The following GOLGA5 variants were observed in gnomAD, a reference collection of about 807,000 sequenced individuals.
GOLGA5 encodes the protein golgin subfamily A member 5.
In GOLGA5, 50 loss-of-function variants were observed where a neutral mutation model predicts 93.5. The ratio of observed to expected loss-of-function variants is 0.53; its 90% CI spans 0.43 to 0.68. GOLGA5 has a LOEUF of 0.68. Ranked by LOEUF, GOLGA5 falls within the 30% of genes least tolerant of loss-of-function variation. The probability of loss-of-function intolerance (pLI) is 0.00; values close to 1 mark genes in which losing one functional copy is unlikely to be tolerated. For synonymous variants in GOLGA5, 312 were observed against 304.5 expected, an observed-to-expected ratio of 1.02 and a Z score of -0.26; for missense variants, 760 against 856.4, an observed-to-expected ratio of 0.89 and a Z score of 1.40.
intron 8 of GOLGA5, among the ~76,000 whole-genome samples, chr14:92,821,699 A>G (rs17128597): frequency 0.066 from 10,080 of 152,178 alleles, 403 homozygotes; most frequent in Middle Eastern, 0.12. Context: ...TTCTTTTCTC[A>G]GAGAAATGTT....
intron 8 of GOLGA5, among the ~76,000 whole-genome samples, chr14:92,820,618 G>A (rs1400462018): frequency 6.6e-6 from 1 of 152,208 alleles, no homozygotes; most frequent in Non-Finnish European, 1.5e-5. Flanking sequence ...CCATATCTCA[G>A]GCTATCACAT....
intron 9 of GOLGA5, among the ~76,000 whole-genome samples, chr14:92,829,932 C>T (rs1478968015): frequency 6.6e-6 from 1 of 152,196 alleles, no homozygotes; most frequent in Non-Finnish European, 1.5e-5. Context: ...CCATTCTGAT[C>T]AGTCAGCAGC....
In GOLGA5 at chr14:92,825,049, A is replaced by G. The variant is rs568370809; in HGVS notation, c.1719+405A>G. 1.2e-4 allele frequency among the ~76,000 whole-genome samples: 18 copies of G among 152,294 alleles called. No individual in the cohort carries two copies. In the South Asian group the frequency reaches 3.7e-3, roughly 32 times the overall value. ...ACCAAGATATTTTTTTAACCGTGAA[A>G]ATGTAAAATGTACAGAAAATAATGA... On this transcript the variant is annotated intron_variant, in intron 9 of 12. Transcript: ENST00000163416.
At chr14:92,826,468 G>C (rs1455185885) in intron 9 of GOLGA5, among the ~76,000 whole-genome samples, 1 of 151,954 alleles carries the variant, frequency 6.6e-6, no homozygotes, top group Admixed American at 6.6e-5. Context: ...GGCCAAGGTG[G>C]GCAGATCACT....
Position 92,806,878 on chromosome 14 carries a change from G to A in GOLGA5, c.687G>A (p.Leu229=). 2 of 1,613,838 alleles carry A rather than the reference G, an allele frequency of 1.2e-6. No homozygotes were observed. The highest frequency in any genetic ancestry group is 1.7e-6 in the Non-Finnish European group (2 of 1,179,722). The change falls in exon 3 of 13, where the codon CTG becomes CTA. Residue 229 remains leucine (L), a synonymous_variant. Coordinates refer to ENST00000163416, the MANE Select transcript of GOLGA5 (RefSeq NM_005113.4). ...CACATGAACTGTCTAACCTTCGACTGGAGAATCAGCTGCTGAGGAATGAAG... is the reference window on the plus strand; with the variant it reads ...CACATGAACTGTCTAACCTTCGACTAGAGAATCAGCTGCTGAGGAATGAAG... ...GKSHELSNLR[L]ENQLLRNEVQ...
intron 2 of GOLGA5, among the ~76,000 whole-genome samples, chr14:92,802,425 A>G (rs1045004701): frequency 2.6e-5 from 4 of 152,124 alleles, no homozygotes; most frequent in Non-Finnish European, 4.4e-5. Flanking sequence ...CAACAACACA[A>G]TTATCTGTGT....
rs1471969239 is a variant in GOLGA5 at position 92,794,439 on chromosome 14, C to G, written c.-48C>G. ...GGACGGCGGCTAGGCCGTAGTGCAG[C>G]CTCTCCGGAGTCCTCAGGTGAGGCG... On this transcript the variant is annotated 5_prime_UTR_variant, in exon 1 of 13. Transcript: ENST00000163416. The G allele has an allele frequency of 6.6e-6, 1 of 152,406 alleles. No homozygotes were observed. Among genetic ancestry groups the G allele is most frequent in the Non-Finnish European group, 1.5e-5 (1 of 68,178 alleles). The allele number at this position is 152,406 out of a possible 1,614,324, so 9.4% of individuals were successfully genotyped here.
chr14:92,835,736 T>C, intron 11 of GOLGA5, 72 bp downstream of exon 11: 1 of 813,946 alleles, frequency 1.2e-6, no homozygotes, highest in Non-Finnish European at 2.1e-6. Flanking sequence ...TCAATCACAG[T>C]GACTCCCATC....
intron 2 of GOLGA5, among the ~76,000 whole-genome samples, chr14:92,799,767 G>A (rs1884828217): frequency 6.6e-6 from 1 of 151,826 alleles, no homozygotes; most frequent in African/African-American, 2.4e-5. Context: ...CACCACCCTT[G>A]GCTAATTTTT....
At chr14:92,808,579 G>A (rs763227499) in intron 3 of GOLGA5, among the ~76,000 whole-genome samples, 11 of 151,930 alleles carry the variant, frequency 7.2e-5, no homozygotes, top group Non-Finnish European at 1.3e-4. Flanking sequence ...CCAGGAGTTG[G>A]AGGTTGCAGT....
intron 1 of GOLGA5, among the ~76,000 whole-genome samples, chr14:92,796,269 TA>T (rs1884724113): frequency 6.6e-6 from 1 of 152,238 alleles, no homozygotes; most frequent in East Asian, 1.9e-4. Flanking sequence ...AGTTTTGCCA[TA>T]TTGGTTATTT....
chr14:92,824,500 G>A (rs745876315), intron 8 of GOLGA5, 46 bp from the exon 9 acceptor site: 3 of 934,590 alleles, frequency 3.2e-6, no homozygotes, highest in East Asian at 2.4e-5. Context: ...GGATGGAATA[G>A]GGGACACTTA....
chr14:92,838,703 CAAAAA>C (rs539588413), intron 12 of GOLGA5, among the ~76,000 whole-genome samples: 137 of 150,928 alleles, frequency 9.1e-4, no homozygotes, highest in African/African-American at 3.2e-3. Flanking sequence ...GTGGGGAGTA[CAAAAA>C]AAAATTGAAT....
intron 9 of GOLGA5, among the ~76,000 whole-genome samples, chr14:92,827,343 T>A (rs1264122794): frequency 1.3e-5 from 2 of 152,226 alleles, no homozygotes; most frequent in Non-Finnish European, 2.9e-5. Flanking sequence ...TCACAATATT[T>A]CTGATTTTTT....
intron 8 of GOLGA5, 24 bp downstream of exon 8, chr14:92,819,860 T>A: frequency 6.2e-7 from 1 of 1,609,736 alleles, no homozygotes; most frequent in African/African-American, 1.3e-5. Flanking sequence ...ATTGATGACT[T>A]CTGAGACTCT....
intron 12 of GOLGA5, 41 bp downstream of exon 12, chr14:92,837,490 T>C: frequency 5.1e-6 from 4 of 780,496 alleles, no homozygotes; most frequent in Non-Finnish European, 2.1e-6. Flanking sequence ...GCACTTGATT[T>C]TTAACTAGTT....
chr14:92,838,205 T>C (rs1885686208), intron 12 of GOLGA5, among the ~76,000 whole-genome samples: 1 of 152,190 alleles, frequency 6.6e-6, no homozygotes. Context: ...CCATTTCGCA[T>C]GTACCGTGTG....
Position 92,806,722 on chromosome 14 carries a change from T to A in GOLGA5, c.545-14T>A. ...ACACGCCAATGTAACAAAAACGTAT[T>A]CTTTTTTTTACAGAAGCTGCCAGTA... On this transcript the variant is annotated splice_polypyrimidine_tract_variant and intron_variant, in intron 2 of 12. Transcript: ENST00000163416. 6.4e-7 allele frequency: 1 copy of A among 1,570,160 alleles called. No individual in the cohort carries two copies. The highest frequency in any genetic ancestry group is 8.8e-7 in the Non-Finnish European group (1 of 1,140,178).
At chr14:92,799,898 C>CA (rs1884831702) in intron 2 of GOLGA5, among the ~76,000 whole-genome samples, 3 of 152,292 alleles carry the variant, frequency 2.0e-5, no homozygotes, top group Non-Finnish European at 4.4e-5. Context: ...TGAGCCACCA[C>CA]ACCTGGCCAG....
Sources: gnomAD v4.1 joint callset for allele counts (sites outside exome capture counted in the v4.1 genomes callset) on GRCh38, gnomAD v4.1.1 for gene constraint, MANE v1.5 for transcripts, NCBI Gene and HGNC (gene_info 2026-07-23, HGNC 2026-07-21) for gene names.